CNTLN: variants seen among roughly 807,000 people sequenced by gnomAD.
The protein encoded by CNTLN is centlein, centrosomal protein.
CNTLN carries 212 observed loss-of-function variants against 180.0 expected under a neutral mutation model. The ratio of observed to expected loss-of-function variants is 1.18; its 90% CI spans 1.05 to 1.32. The LOEUF (loss-of-function observed/expected upper bound fraction) is 1.32. Ranked by LOEUF, CNTLN falls within the 40% of genes most tolerant of loss-of-function variation. The probability of loss-of-function intolerance (pLI) is 0.00; values close to 1 mark genes in which losing one functional copy is unlikely to be tolerated. For missense variants in CNTLN, 2,095 were observed against 1,610.9 expected (o/e 1.30, Z -5.14); for synonymous variants, 722 against 563.1 (o/e 1.28, Z -3.99).
At chr9:17,226,942 T>TA (rs1279651987) in intron 3 of CNTLN, among the ~76,000 whole-genome samples, 2 of 151,176 alleles carry the variant, frequency 1.3e-5, no homozygotes, top group African/African-American at 2.4e-5. Context: ...TATATATATA[T>TA]TTTTTTATAC....
intron 3 of CNTLN, among the ~76,000 whole-genome samples, chr9:17,231,350 G>GT (rs903305320): frequency 9.9e-5 from 15 of 151,030 alleles, no homozygotes; most frequent in Admixed American, 5.3e-4. Flanking sequence ...CACACACACA[G>GT]TTTTTTTTTA....
intron 12 of CNTLN, among the ~76,000 whole-genome samples, chr9:17,344,999 G>C (rs968724381): frequency 6.6e-6 from 1 of 152,078 alleles, no homozygotes; most frequent in African/African-American, 2.4e-5. Flanking sequence ...TACTTTCTGA[G>C]ACTGGCTTCT....
intron 2 of CNTLN, among the ~76,000 whole-genome samples, chr9:17,197,598 T>C (rs552399588): frequency 6.6e-6 from 1 of 152,356 alleles, no homozygotes; most frequent in South Asian, 2.1e-4. Flanking sequence ...CATTTTTTCC[T>C]ATACAGTTGT....
chr9:17,236,617 C>T (rs1563909738), intron 5 of CNTLN, 29 bp downstream of exon 5: 2 of 1,541,834 alleles, frequency 1.3e-6, no homozygotes, highest in East Asian at 2.3e-5. Context: ...ATCCATACTC[C>T]TCTTTTGGAT....
At chr9:17,382,138 G>A (rs183277016) in intron 13 of CNTLN, among the ~76,000 whole-genome samples, 1 of 152,284 alleles carries the variant, frequency 6.6e-6, no homozygotes, top group East Asian at 1.9e-4. Context: ...TATGTTGCGA[G>A]CATATGGCTT....
Position 17,143,277 on chromosome 9 carries a change from A to G in CNTLN, c.361-11A>G. The stretch of plus-strand genomic sequence containing the variant: ...AAGCAATGCATCTAAATTCTCTTTT[A>G]TTTCTTTAAGGCTGATAAAGAATTT... On this transcript the variant is annotated splice_polypyrimidine_tract_variant and intron_variant, in intron 1 of 25. Coordinates refer to ENST00000380647, the MANE Select transcript of CNTLN (RefSeq NM_017738.4). 6.3e-7 allele frequency: 1 copy of G among 1,599,264 alleles called. No individual in the cohort carries two copies. Among genetic ancestry groups the G allele is most frequent in the Non-Finnish European group, 8.5e-7 (1 of 1,170,532 alleles).
chr9:17,239,314 G>A (rs571440168), intron 5 of CNTLN, among the ~76,000 whole-genome samples: 1 of 152,220 alleles, frequency 6.6e-6, no homozygotes, highest in South Asian at 2.1e-4. Flanking sequence ...ATCTTTTCAT[G>A]TATTACTATC....
intron 18 of CNTLN, among the ~76,000 whole-genome samples, chr9:17,422,368 G>T (rs980620792): frequency 2.0e-5 from 3 of 151,918 alleles, no homozygotes; most frequent in African/African-American, 7.3e-5. Context: ...TCTTCTTTGG[G>T]TTAAATCTCT....
At chr9:17,354,297 C>G (rs1310970105) in intron 12 of CNTLN, among the ~76,000 whole-genome samples, 1 of 152,206 alleles carries the variant, frequency 6.6e-6, no homozygotes, top group African/African-American at 2.4e-5. Flanking sequence ...GTCCCGTAGA[C>G]CACCTAAGGG....
chr9:17,514,226 C>T, the CNTLN span, among the ~76,000 whole-genome samples: 1 of 151,974 alleles, frequency 6.6e-6, no homozygotes, highest in Non-Finnish European at 1.5e-5. Flanking sequence ...GGGAGGATCG[C>T]TTGAGTCTGG....
intron 2 of CNTLN, among the ~76,000 whole-genome samples, chr9:17,148,250 T>C (rs1818593688): frequency 6.6e-6 from 1 of 152,214 alleles, no homozygotes; most frequent in African/African-American, 2.4e-5. Flanking sequence ...TACAGTTACT[T>C]TAGTGTTTAC....
the CNTLN span, among the ~76,000 whole-genome samples, chr9:17,520,419 G>C: frequency 1.3e-5 from 2 of 152,184 alleles, no homozygotes; most frequent in Non-Finnish European, 2.9e-5. Context: ...TAAAGAGCTG[G>C]AGCAGGAAGG....
chr9:17,448,473 T>C (rs1258583205), intron 18 of CNTLN: 1 of 152,254 alleles, frequency 6.6e-6, no homozygotes, highest in African/African-American at 2.4e-5. Context: ...TTCAGTTTCA[T>C]TTTCTGATGC....
chr9:17,244,214 TTTTG>T (rs769451620), intron 5 of CNTLN, among the ~76,000 whole-genome samples: 53 of 125,850 alleles, frequency 4.2e-4, no homozygotes, highest in African/African-American at 9.0e-4. Context: ...AGGTTTTTGT[TTTTG>T]TTTTTTTTTT....
At chr9:17,206,982 C>T (rs1441353507) in intron 2 of CNTLN, among the ~76,000 whole-genome samples, 1 of 152,216 alleles carries the variant, frequency 6.6e-6, no homozygotes, top group Non-Finnish European at 1.5e-5. Context: ...GAGACCCCTC[C>T]TTGTCTGTGC....
At chr9:17,285,163 C>T (rs1255390527) in intron 6 of CNTLN, among the ~76,000 whole-genome samples, 1 of 114,714 alleles carries the variant, frequency 8.7e-6, no homozygotes, top group Non-Finnish European at 1.7e-5. Context: ...CCTCCCCCCA[C>T]CCCACCACAG....
chr9:17,405,983 C>T (rs557705279), intron 15 of CNTLN, among the ~76,000 whole-genome samples: 4 of 151,586 alleles, frequency 2.6e-5, no homozygotes, highest in Admixed American at 6.6e-5. Context: ...CCATGTTGGT[C>T]AGGCTCTGAA....
intron 12 of CNTLN, among the ~76,000 whole-genome samples, chr9:17,355,290 G>A (rs746168054): frequency 9.2e-5 from 14 of 152,134 alleles, no homozygotes; most frequent in Non-Finnish European, 1.3e-4. Context: ...CTCCCAAACT[G>A]CTGGGATTAC....
chr9:17,275,064 A>T (rs1444738884), intron 6 of CNTLN, among the ~76,000 whole-genome samples: 1 of 152,128 alleles, frequency 6.6e-6, no homozygotes, highest in Non-Finnish European at 1.5e-5. Flanking sequence ...TTTTTAAAAC[A>T]ATAACGAAGT....
Sources: gnomAD v4.1 joint callset for allele counts (sites outside exome capture counted in the v4.1 genomes callset) on GRCh38, gnomAD v4.1.1 for gene constraint, MANE v1.5 for transcripts, NCBI Gene and HGNC (gene_info 2026-07-23, HGNC 2026-07-21) for gene names.